The following PPP3CB variants were observed in gnomAD, a reference collection of about 807,000 sequenced individuals.
PPP3CB encodes serine/threonine-protein phosphatase 2B catalytic subunit beta isoform.
In PPP3CB, 8 loss-of-function variants were observed where a neutral mutation model predicts 66.4. The observed-to-expected ratio is 0.12, with a 90% CI of 0.07 to 0.22. The LOEUF is 0.22. Ranked by LOEUF, PPP3CB falls within the 10% of genes least tolerant of loss-of-function variation. The pLI, the probability that PPP3CB is intolerant of heterozygous loss-of-function variation, is 1.00. For missense variants in PPP3CB, 319 were observed against 642.5 expected (o/e 0.50, Z 5.44); for synonymous variants, 208 against 221.2 (o/e 0.94, Z 0.53).
At chr10:73,485,342 G>A (rs1283798918) in intron 1 of PPP3CB, among the ~76,000 whole-genome samples, 2 of 152,178 alleles carry the variant, frequency 1.3e-5, no homozygotes, top group Non-Finnish European at 2.9e-5. Context: ...GAAAAAGGGG[G>A]TGGTGGTACA....
intron 9 of PPP3CB, among the ~76,000 whole-genome samples, chr10:73,466,273 T>C (rs376174532): frequency 7.9e-5 from 12 of 152,324 alleles, no homozygotes; most frequent in African/African-American, 1.9e-4. Flanking sequence ...TAAATACTCA[T>C]AGCATAAATA....
At chr10:73,470,662 A>T in intron 8 of PPP3CB, 25 bp downstream of exon 8, 1 of 1,409,804 alleles carries the variant, frequency 7.1e-7, no homozygotes, top group Middle Eastern at 2.2e-4. Context: ...TTGTTTAACA[A>T]TTTTTTTTAT....
chr10:73,490,887 C>CA (rs1368706827), intron 1 of PPP3CB, among the ~76,000 whole-genome samples: 46 of 152,090 alleles, frequency 3.0e-4, no homozygotes, highest in Admixed American at 5.2e-4. Context: ...AGGCAGGGTG[C>CA]AGTGGCACAA....
At position 73,442,845 on chromosome 10, in the gene PPP3CB, C is replaced by T. The variant is rs145328945; in HGVS notation, c.1366+1880G>A. On this transcript the variant is annotated intron_variant, in intron 12 of 13. Coordinates refer to ENST00000360663, the MANE Select transcript of PPP3CB (RefSeq NM_021132.4). Reference sequence around the variant, plus strand: ...CAATACAATGACATTTAAAATAGAACATGTATAGGCTACAAGTAAAAATTG... The same window carrying T: ...CAATACAATGACATTTAAAATAGAATATGTATAGGCTACAAGTAAAAATTG... Among the ~76,000 whole-genome samples the T allele has an allele frequency of 2.5e-3, 379 of 151,294 alleles. 2 individuals are homozygous for T. The highest frequency in any genetic ancestry group is 8.7e-3 in the African/African-American group (360 of 41,274).
intron 9 of PPP3CB, among the ~76,000 whole-genome samples, chr10:73,463,373 C>G (rs1019655781): frequency 1.3e-5 from 2 of 152,188 alleles, no homozygotes; most frequent in African/African-American, 4.8e-5. Flanking sequence ...GGCTTGCTCA[C>G]CATTTATCAA....
At chr10:73,440,295 A>G (rs1025046772) in intron 12 of PPP3CB, among the ~76,000 whole-genome samples, 5 of 152,248 alleles carry the variant, frequency 3.3e-5, no homozygotes, top group Non-Finnish European at 7.3e-5. Flanking sequence ...GGGTAAAATT[A>G]TAATAGAATT....
At chr10:73,465,648 AG>A (rs1173754227) in intron 9 of PPP3CB, among the ~76,000 whole-genome samples, 1 of 152,238 alleles carries the variant, frequency 6.6e-6, no homozygotes, top group Non-Finnish European at 1.5e-5. Flanking sequence ...TCAGCCTTTC[AG>A]GAAGCCTCTG....
At chr10:73,441,983 A>G (rs2056157128) in intron 12 of PPP3CB, among the ~76,000 whole-genome samples, 1 of 152,242 alleles carries the variant, frequency 6.6e-6, no homozygotes, top group Non-Finnish European at 1.5e-5. Flanking sequence ...AGTTATACAC[A>G]CTAACATCAG....
Position 73,471,197 on chromosome 10 carries a change from T to C in PPP3CB, c.682A>G (p.Lys228Glu). The C allele has an allele frequency of 1.2e-6, 2 of 1,601,426 alleles. No individual in the cohort carries two copies. Among genetic ancestry groups the C allele is most frequent in the Non-Finnish European group, 1.7e-6 (2 of 1,170,698 alleles). The part of the protein sequence containing the change: ...LDDIRRLDRF[K>E]EPPAFGPMCD... ...ATTGGTCCAAATGCAGGTGGCTCTTTGAATCTATCTAACTGTGAAAGAAAG... is the reference window on the plus strand; with the variant it reads ...ATTGGTCCAAATGCAGGTGGCTCTTCGAATCTATCTAACTGTGAAAGAAAG... Residue 228 changes from lysine (K) to glutamate (E), a missense_variant, in exon 6 of 14, where the codon AAA (lysine) becomes GAA (glutamate). Transcript: ENST00000360663.
chr10:73,456,891 A>G (rs1179939936), intron 9 of PPP3CB, among the ~76,000 whole-genome samples: 3 of 152,182 alleles, frequency 2.0e-5, no homozygotes, highest in Admixed American at 6.5e-5. Flanking sequence ...ACCATATACC[A>G]TATGACCTTA....
At chr10:73,456,930 T>C (rs1175841373) in intron 9 of PPP3CB, among the ~76,000 whole-genome samples, 2 of 152,084 alleles carry the variant, frequency 1.3e-5, no homozygotes, top group African/African-American at 4.8e-5. Flanking sequence ...CAAAGGCAAA[T>C]CTATAGAGAC....
intron 9 of PPP3CB, among the ~76,000 whole-genome samples, chr10:73,462,649 T>C (rs1370711330): frequency 6.6e-6 from 1 of 151,886 alleles, no homozygotes; most frequent in Non-Finnish European, 1.5e-5. Context: ...ATTTGACTAG[T>C]AAGAAAATGA....
In PPP3CB at chr10:73,479,517, G is replaced by A; in HGVS notation, c.86C>T (p.Ala29Val). ...PPPGADRVVK[A>V]VPFPPTHRLT... ...GCGATGTGTTGGGGGGAAAGGGACA[G>A]CTGCAAATGTTTTTAATTAATAAAA... The change falls in exon 2 of 14, where the codon GCT becomes GTT. Residue 29 changes from alanine to valine, a missense_variant and splice_region_variant. Physicochemically the swap from Ala to Val is moderately conservative, Grantham distance 64. This residue lies in a region of PPP3CB where 104 missense variants were observed against 128.4 expected (regional missense o/e 0.81). Transcript: ENST00000360663. The A allele has an allele frequency of 6.2e-7, 1 of 1,608,218 alleles. No homozygotes were observed. The highest frequency in any genetic ancestry group is 8.5e-7 in the Non-Finnish European group (1 of 1,177,764).
chr10:73,462,740 A>G lies in PPP3CB; in HGVS notation c.1108+4813T>C, dbSNP rs113142739. On this transcript the variant is annotated intron_variant, in intron 9 of 13. Coordinates refer to ENST00000360663, the MANE Select transcript of PPP3CB (RefSeq NM_021132.4). Reference sequence around the variant, plus strand: ...TGAGGTGGGCGGATCACTTGAGGTCAGGGGTTCAAGAGCAGCCTGGCCAAC... The same window carrying G: ...TGAGGTGGGCGGATCACTTGAGGTCGGGGGTTCAAGAGCAGCCTGGCCAAC... 3.5e-4 allele frequency among the ~76,000 whole-genome samples: 54 copies of G among 152,130 alleles called. 1 individual carries two copies. The highest frequency in any genetic ancestry group is 3.4e-3 in the Middle Eastern group (1 of 294).
chr10:73,480,957 TAG>T (rs903437198), intron 1 of PPP3CB, among the ~76,000 whole-genome samples: 1 of 152,152 alleles, frequency 6.6e-6, no homozygotes, highest in African/African-American at 2.4e-5. Context: ...AATTACTATA[TAG>T]TAAGTTTTTC....
chr10:73,475,903 T>G (rs571040297), intron 3 of PPP3CB, among the ~76,000 whole-genome samples: 1 of 152,204 alleles, frequency 6.6e-6, no homozygotes, highest in Non-Finnish European at 1.5e-5. Flanking sequence ...GTCACCCAGG[T>G]TGGAGTGCAA....
chr10:73,438,217 G>T lies in PPP3CB; in HGVS notation c.*25C>A. The T allele has an allele frequency of 6.2e-7, 1 of 1,603,498 alleles. No homozygotes were observed. Among genetic ancestry groups the T allele is most frequent in the Non-Finnish European group, 8.5e-7 (1 of 1,172,636 alleles). ...GATCTGTCCATTTGGGGCCCGAGAT[G>T]TGAGAGTCCCTGGGAAGTAGTGGGT... On this transcript the variant is annotated 3_prime_UTR_variant, in exon 14 of 14. Transcript: ENST00000360663.
intron 1 of PPP3CB, among the ~76,000 whole-genome samples, chr10:73,482,127 A>G (rs569366900): frequency 6.6e-6 from 1 of 152,324 alleles, no homozygotes; most frequent in African/African-American, 2.4e-5. Context: ...AAAAATGAGA[A>G]GGTTAAATAT....
At position 73,470,960 on chromosome 10, in the gene PPP3CB, G is replaced by C; in HGVS notation, c.814C>G (p.Pro272Ala). ...TTTTGCAAAAATTCACACACTGCTG[G>C]ATAGCTGTGGGGGAAAAAGAGTAAA... ...VRGCSYFYNY[P>A]AVCEFLQNNN... Residue 272 changes from proline to alanine, a missense_variant, in exon 7 of 14, where the codon CCA (proline) becomes GCA (alanine). By Grantham distance (27) the Pro-to-Ala change is conservative. Coordinates refer to ENST00000360663, the MANE Select transcript of PPP3CB (RefSeq NM_021132.4). 6.2e-7 allele frequency: 1 copy of C among 1,612,824 alleles called. No homozygotes were observed. The highest frequency in any genetic ancestry group is 1.3e-5 in the African/African-American group (1 of 75,002).
Sources: allele counts gnomAD v4.1 joint callset (sites outside exome capture counted in the v4.1 genomes callset), GRCh38; gene constraint gnomAD v4.1.1; regional missense constraint gnomAD v4.1.1; transcripts MANE v1.5; gene names NCBI Gene and HGNC (gene_info 2026-07-23, HGNC 2026-07-21).